The following SOAT1 variants were observed in gnomAD, a reference collection of about 807,000 sequenced individuals.
SOAT1 encodes sterol O-acyltransferase 1.
In SOAT1, 55 loss-of-function variants were observed where a neutral mutation model predicts 69.5. The ratio of observed to expected loss-of-function variants is 0.79; its 90% CI spans 0.64 to 0.99. SOAT1 has a LOEUF of 0.99. Among genes scored for constraint, SOAT1 ranks in the 50% least tolerant of loss-of-function variants. The pLI, the probability that SOAT1 is intolerant of heterozygous loss-of-function variation, is 0.00. For synonymous variants in SOAT1, 231 were observed against 224.7 expected, an observed-to-expected ratio of 1.03 and a Z score of -0.25; for missense variants, 580 against 669.3, an observed-to-expected ratio of 0.87 and a Z score of 1.47.
chr1:179,309,122 C>T (rs561190983), intron 2 of SOAT1, among the ~76,000 whole-genome samples: 13 of 152,256 alleles, frequency 8.5e-5, no homozygotes, highest in East Asian at 1.9e-4. Flanking sequence ...CTCACTCTGT[C>T]GCCCAAGTTG....
In SOAT1 at chr1:179,351,327, C is replaced by A; in HGVS notation, c.1461C>A (p.Asn487Lys). 1 of 1,613,920 alleles carries A rather than the reference C, an allele frequency of 6.2e-7. No homozygotes were observed. Among genetic ancestry groups the A allele is most frequent in the Non-Finnish European group, 8.5e-7 (1 of 1,179,944 alleles). The part of the protein sequence containing the change: ...VLFMFFGMAF[N>K]FIVNDSRKKP... ...CCTTCCTATTTTTAGTGGCTTTCAA[C>A]TTCATTGTCAATGATAGTCGGAAAA... The change falls in exon 15 of 16, where the codon AAC becomes AAA. Residue 487 changes from asparagine to lysine, a missense_variant. Transcript: ENST00000367619.
chr1:179,314,904 AT>A (rs1172300354), intron 2 of SOAT1, among the ~76,000 whole-genome samples: 2 of 152,140 alleles, frequency 1.3e-5, no homozygotes, highest in East Asian at 3.8e-4. Flanking sequence ...TGCAAGCCTG[AT>A]TTTTTTAGAA....
rs1479652479 is a variant in SOAT1, at chr1:179,355,638, G to C, written c.*1997G>C. On this transcript the variant is annotated 3_prime_UTR_variant, in exon 16 of 16. Coordinates refer to ENST00000367619, the MANE Select transcript of SOAT1 (RefSeq NM_003101.6). ...GCTCACTGCAACCTCTGCCTCCCTG[G>C]TTCAAGCTATTCTCCTGCCTCAGCC... is the stretch of plus-strand genomic sequence containing the variant. 3 of 152,718 alleles carry C rather than the reference G, an allele frequency of 2.0e-5. No homozygotes were observed. Among genetic ancestry groups the C allele is most frequent in the African/African-American group, 4.8e-5 (2 of 41,462 alleles). The allele number at this position is 152,718 out of a possible 1,614,324, so 9.5% of individuals were successfully genotyped here. A position where few individuals can be genotyped will look rare whatever the true frequency, so the allele number is the denominator to read the frequency against.
intron 1 of SOAT1, among the ~76,000 whole-genome samples, chr1:179,300,976 T>C (rs942625120): frequency 6.6e-6 from 1 of 152,020 alleles, no homozygotes; most frequent in East Asian, 1.9e-4. Flanking sequence ...TCACCTGTAA[T>C]CTCAGCCACT....
Position 179,302,951 on chromosome 1 carries a change from TAA to T in SOAT1, c.118+150_118+151del, listed in dbSNP as rs375187433. On this transcript the variant is annotated intron_variant, in intron 2 of 15. Transcript: ENST00000367619. ...GTCTAGTAACAAAGCAATTAGACAA[TAA>T]GTCCTTTCTCGTTAATTAATTTGGT... 7.9e-5 allele frequency: 41 copies of T among 519,300 alleles called. No homozygotes were observed. In the East Asian group the frequency reaches 8.3e-4, roughly 11 times the overall value. The allele number at this position is 519,300 out of a possible 1,614,324, so 32.2% of individuals were successfully genotyped here.
chr1:179,324,690 C>T (rs761857308), intron 3 of SOAT1, among the ~76,000 whole-genome samples: 9 of 152,318 alleles, frequency 5.9e-5, no homozygotes, highest in Admixed American at 1.3e-4. Flanking sequence ...TGCTTTGTTT[C>T]TCCATCATAA....
intron 2 of SOAT1, among the ~76,000 whole-genome samples, chr1:179,304,359 C>T (rs1262510653): frequency 1.3e-5 from 2 of 151,252 alleles, no homozygotes; most frequent in Non-Finnish European, 2.9e-5. Flanking sequence ...CTTACTGCAA[C>T]CTCTGCCTTC....
At chr1:179,344,240 T>G (rs978415011) in intron 10 of SOAT1, among the ~76,000 whole-genome samples, 4 of 151,936 alleles carry the variant, frequency 2.6e-5, no homozygotes, top group Non-Finnish European at 4.4e-5. Flanking sequence ...ATAGTCTGAC[T>G]CTTACCCATT....
chr1:179,318,601 C>T (rs1665478045), intron 2 of SOAT1, among the ~76,000 whole-genome samples: 1 of 152,128 alleles, frequency 6.6e-6, no homozygotes, highest in Non-Finnish European at 1.5e-5. Flanking sequence ...TACCCATTAG[C>T]AGTTATTCCC....
intron 3 of SOAT1, among the ~76,000 whole-genome samples, chr1:179,334,380 G>T (rs1293687251): frequency 6.6e-6 from 1 of 152,138 alleles, no homozygotes; most frequent in African/African-American, 2.4e-5. Context: ...ATAGGAAAAG[G>T]CAAGGTTATT....
At chr1:179,302,924 A>G (rs1236508389) in intron 2 of SOAT1, 122 bp downstream of exon 2, 5 of 525,854 alleles carry the variant, frequency 9.5e-6, no homozygotes, top group Admixed American at 3.3e-5. Flanking sequence ...AGAGTTTTAT[A>G]TGTCTAGTAA....
In SOAT1 at chr1:179,356,713, A is replaced by G. The variant is rs1278736340; in HGVS notation, c.*3072A>G. On this transcript the variant is annotated 3_prime_UTR_variant, in exon 16 of 16. Coordinates refer to ENST00000367619, the MANE Select transcript of SOAT1 (RefSeq NM_003101.6). ...AGCTCATACTTTGTTTTTGTTTTTA[A>G]AGAGACAGGGTCTCACTCTGTTGCC... is the stretch of plus-strand genomic sequence containing the variant. The G allele has an allele frequency of 6.6e-6, 1 of 151,660 alleles. No individual in the cohort carries two copies. The highest frequency in any genetic ancestry group is 1.5e-5 in the Non-Finnish European group (1 of 67,966). The allele number at this position is 151,660 out of a possible 1,614,324, so 9.4% of individuals were successfully genotyped here.
chr1:179,308,802 T>TCCAC (rs1665118026), intron 2 of SOAT1, among the ~76,000 whole-genome samples: 1 of 151,582 alleles, frequency 6.6e-6, no homozygotes, highest in Non-Finnish European at 1.5e-5. Context: ...AAGTAATACT[T>TCCAC]CCTCAAGTAA....
In SOAT1 at chr1:179,323,996, A is replaced by T. The variant is rs528229520; in HGVS notation, c.177+501A>T. On this transcript the variant is annotated intron_variant, in intron 3 of 15. Coordinates refer to ENST00000367619, the MANE Select transcript of SOAT1 (RefSeq NM_003101.6). ...TGTGGAGGGCGAAGAACACTTTTTTAAAAAAACATTATAATCCAATACCTG... is the reference window on the plus strand; with the variant it reads ...TGTGGAGGGCGAAGAACACTTTTTTTAAAAAACATTATAATCCAATACCTG... Among the ~76,000 whole-genome samples the T allele has an allele frequency of 1.6e-4, 24 of 152,248 alleles. 1 individual carries two copies. The South Asian group carries it at 4.8e-3, about 30-fold the overall frequency.
chr1:179,315,403 A>C (rs1665357509), intron 2 of SOAT1, among the ~76,000 whole-genome samples: 1 of 152,040 alleles, frequency 6.6e-6, no homozygotes, highest in South Asian at 2.1e-4. Flanking sequence ...GTTCCAGGCC[A>C]CAGTGAGCTA....
chr1:179,316,489 C>T (rs6680899), intron 2 of SOAT1, among the ~76,000 whole-genome samples: 75,182 of 151,944 alleles, frequency 0.49, 19,601 homozygotes, highest in East Asian at 0.84. Context: ...CTCCACCTCC[C>T]GGGTTCAAGC....
chr1:179,345,594 T>C (rs1666502390), intron 11 of SOAT1, among the ~76,000 whole-genome samples: 2 of 149,434 alleles, frequency 1.3e-5, no homozygotes, highest in Non-Finnish European at 2.9e-5. Context: ...ATCGGGTCTC[T>C]CTTTGTCACC....
At chr1:179,332,685 C>A (rs1182596559) in intron 3 of SOAT1, among the ~76,000 whole-genome samples, 1 of 151,896 alleles carries the variant, frequency 6.6e-6, no homozygotes, top group Non-Finnish European at 1.5e-5. Context: ...AAGACTATAA[C>A]CTCAACATTA....
rs565318299 is a variant in SOAT1, at chr1:179,335,876, A to T, written c.329+219A>T. On this transcript the variant is annotated intron_variant, in intron 4 of 15. Coordinates refer to ENST00000367619, the MANE Select transcript of SOAT1 (RefSeq NM_003101.6). Reference sequence around the variant, plus strand: ...TACATGCATACCTCTTTTAACACTAATGCCGGGCACAGTGGCTCACGCCTG... The same window carrying T: ...TACATGCATACCTCTTTTAACACTATTGCCGGGCACAGTGGCTCACGCCTG... Among the ~76,000 whole-genome samples, 34 of 152,266 alleles carry T rather than the reference A, an allele frequency of 2.2e-4. No homozygotes were observed. The South Asian group carries it at 6.4e-3, about 29-fold the overall frequency.
Sources: gnomAD v4.1 joint callset for allele counts (sites outside exome capture counted in the v4.1 genomes callset) on GRCh38, gnomAD v4.1.1 for gene constraint, MANE v1.5 for transcripts, NCBI Gene and HGNC (gene_info 2026-07-23, HGNC 2026-07-21) for gene names.